Variants in FARSB observed in about 807,000 individuals in gnomAD.
The protein encoded by FARSB is phenylalanine--tRNA ligase beta subunit.
FARSB carries 40 observed loss-of-function variants against 69.6 expected under a neutral mutation model. The ratio of observed to expected loss-of-function variants is 0.57; its 90% confidence interval spans 0.45 to 0.75. The LOEUF (loss-of-function observed/expected upper bound fraction) is 0.75, where lower values mean the gene tolerates loss of function less well. Among genes scored for constraint, FARSB ranks in the 30% least tolerant of loss-of-function variants. FARSB has a pLI of 0.00. For missense variants in FARSB, 632 were observed against 722.9 expected (o/e 0.87, Z 1.44); for synonymous variants, 235 against 247.2 (o/e 0.95, Z 0.46).
Position 222,568,874 on chromosome 2 carries a change from T to C in FARSB, c.*2997A>G, listed in dbSNP as rs1158173930. 1.3e-5 allele frequency: 2 copies of C among 152,198 alleles called. No homozygotes were observed. The highest frequency in any genetic ancestry group is 4.8e-5 in the African/African-American group (2 of 41,464). 9.4% of individuals were successfully genotyped at this position (152,198 alleles called of 1,614,324 possible). On this transcript the variant is annotated 3_prime_UTR_variant, in exon 17 of 17. Coordinates refer to ENST00000281828, the MANE Select transcript of FARSB (RefSeq NM_005687.5). This position sits in a 1 kb window ranked among gnomAD's most constrained non-coding sequence, Gnocchi z 4.3. ...AAAACAAACAAAACTAGAAGAGCAC[T>C]GCAGGACTGTGAGGCTGTAGTGGTA...
chr2:222,599,873 G>A, intron 16 of FARSB, 55 bp downstream of exon 16: 2 of 1,389,514 alleles, frequency 1.4e-6, no homozygotes, highest in Non-Finnish European at 1.9e-6. Flanking sequence ...CAAAAACAAG[G>A]TGTAGCCTCT....
At chr2:222,596,280 T>C (rs1449280384) in intron 16 of FARSB, among the ~76,000 whole-genome samples, 1 of 152,176 alleles carries the variant, frequency 6.6e-6, no homozygotes, top group African/African-American at 2.4e-5. Flanking sequence ...CATAGGTTAA[T>C]GCGAAGATCA....
At chr2:222,591,527 C>A (rs2049227092) in intron 16 of FARSB, among the ~76,000 whole-genome samples, 1 of 152,140 alleles carries the variant, frequency 6.6e-6, no homozygotes, top group African/African-American at 2.4e-5. Flanking sequence ...AATCACAGCA[C>A]ACAAAAGAAA....
At chr2:222,654,447 G>A in intron 1 of FARSB, among the ~76,000 whole-genome samples, 1 of 152,166 alleles carries the variant, frequency 6.6e-6, no homozygotes, top group Non-Finnish European at 1.5e-5. Flanking sequence ...ATCTCATTAT[G>A]TATATGCAAA....
intron 16 of FARSB, among the ~76,000 whole-genome samples, chr2:222,578,751 A>C (rs546073714): frequency 6.6e-6 from 1 of 151,506 alleles, no homozygotes; most frequent in Non-Finnish European, 1.5e-5. Flanking sequence ...AGGCCAAGGC[A>C]GGTGGATCAT....
chr2:222,645,487 T>C (rs1255921757), intron 2 of FARSB, among the ~76,000 whole-genome samples: 1 of 152,216 alleles, frequency 6.6e-6, no homozygotes, highest in Non-Finnish European at 1.5e-5. Context: ...GTACAATTTT[T>C]TAGCCTGAAC....
chr2:222,635,214 T>C (rs1206443764), intron 5 of FARSB, among the ~76,000 whole-genome samples: 1 of 152,110 alleles, frequency 6.6e-6, no homozygotes, highest in Non-Finnish European at 1.5e-5. Context: ...AGCCAGGAAA[T>C]GTTAATTCTG....
chr2:222,644,342 T>A (rs1293478212), intron 2 of FARSB, among the ~76,000 whole-genome samples: 1 of 151,628 alleles, frequency 6.6e-6, no homozygotes, highest in East Asian at 1.9e-4. Context: ...AGGAGGCAAA[T>A]TTTTATAATT....
At chr2:222,600,172 C>CA in intron 15 of FARSB, 89 bp from the exon 16 acceptor site, 1 of 1,109,582 alleles carries the variant, frequency 9.0e-7, no homozygotes, top group South Asian at 1.6e-5. Context: ...AAAAAGTCAA[C>CA]AAAAAAGAAA....
chr2:222,582,930 G>GAA (rs869277740), intron 16 of FARSB, among the ~76,000 whole-genome samples: 4 of 104,514 alleles, frequency 3.8e-5, no homozygotes, highest in South Asian at 2.8e-4. Context: ...GTCTCCAAAA[G>GAA]AAAAAAAAAA....
chr2:222,641,473 T>C (rs1156703345), intron 3 of FARSB, among the ~76,000 whole-genome samples: 1 of 152,236 alleles, frequency 6.6e-6, no homozygotes, highest in Non-Finnish European at 1.5e-5. Flanking sequence ...GCAGTGCTTC[T>C]CAAATTTCAA....
intron 2 of FARSB, among the ~76,000 whole-genome samples, chr2:222,644,339 A>T (rs2106239937): frequency 6.6e-6 from 1 of 152,264 alleles, no homozygotes; most frequent in East Asian, 1.9e-4. Context: ...CTTAGGAGGC[A>T]AATTTTTATA....
At chr2:222,640,498 T>C (rs4674673) in intron 4 of FARSB, among the ~76,000 whole-genome samples, 128,733 of 151,146 alleles carry the variant, frequency 0.85, 55,627 homozygotes, top group African/African-American at 0.96. Context: ...GTGGCGTGTG[T>C]CTGTACTCCC....
intron 6 of FARSB, among the ~76,000 whole-genome samples, chr2:222,633,753 C>T (rs1042315533): frequency 2.0e-5 from 3 of 150,462 alleles, no homozygotes; most frequent in Non-Finnish European, 4.4e-5. Context: ...TTAAAGAAAG[C>T]TCTAAATTTA....
rs1689653438 is a variant in FARSB, at chr2:222,567,549, G to A, written c.*4322C>T. ...CATCATTGCTGAGAGCAGGGGCAGTGGTTAGGCTGGCTGGTTTGTAGTAGA... is the reference window on the plus strand; with the variant it reads ...CATCATTGCTGAGAGCAGGGGCAGTAGTTAGGCTGGCTGGTTTGTAGTAGA... On this transcript the variant is annotated 3_prime_UTR_variant, in exon 17 of 17. Transcript: ENST00000281828. 1.3e-5 allele frequency: 2 copies of A among 152,226 alleles called. No homozygotes were observed. The highest frequency in any genetic ancestry group is 4.8e-5 in the African/African-American group (2 of 41,458). The allele number at this position is 152,226 out of a possible 1,614,324, so 9.4% of individuals were successfully genotyped here.
At chr2:222,655,246 A>G (rs1304182144) in intron 1 of FARSB, among the ~76,000 whole-genome samples, 1 of 151,772 alleles carries the variant, frequency 6.6e-6, no homozygotes, top group Non-Finnish European at 1.5e-5. Context: ...GCTGTGAGGT[A>G]ACTGATAACT....
chr2:222,579,056 C>A (rs1426804822), intron 16 of FARSB, among the ~76,000 whole-genome samples: 1 of 152,150 alleles, frequency 6.6e-6, no homozygotes, highest in Non-Finnish European at 1.5e-5. Context: ...TTCACTCATT[C>A]CCAGTGCAGC....
chr2:222,655,957 G>A, intron 1 of FARSB, 59 bp downstream of exon 1: 2 of 1,360,164 alleles, frequency 1.5e-6, no homozygotes, highest in South Asian at 2.5e-5. Flanking sequence ...TGCCCTTTTG[G>A]AGGGAGGCCC....
At chr2:222,585,384 C>T (rs910042447) in intron 16 of FARSB, among the ~76,000 whole-genome samples, 2 of 152,168 alleles carry the variant, frequency 1.3e-5, no homozygotes, top group Non-Finnish European at 2.9e-5. Context: ...TCATCAAAGA[C>T]CAAAATTAGA....
Sources: gnomAD v4.1 joint callset for allele counts (sites outside exome capture counted in the v4.1 genomes callset) on GRCh38, gnomAD v4.1.1 for gene constraint, Gnocchi (gnomAD v3.1) non-coding constraint, MANE v1.5 for transcripts, NCBI Gene and HGNC (gene_info 2026-07-23, HGNC 2026-07-21) for gene names.